SLC44A5: variants seen among roughly 807,000 people sequenced by gnomAD.
SLC44A5 encodes the protein solute carrier family 44 member 5, also known as choline transporter-like protein 5.
SLC44A5 carries 57 observed loss-of-function variants against 101.8 expected under a neutral mutation model. The observed-to-expected ratio is 0.56, with a 90% confidence interval of 0.45 to 0.70. The LOEUF is 0.70. Among genes scored for constraint, SLC44A5 ranks in the 30% least tolerant of loss-of-function variants. The probability of loss-of-function intolerance (pLI) is 0.00; values close to 1 mark genes in which losing one functional copy is unlikely to be tolerated. For synonymous variants in SLC44A5, 281 were observed against 290.9 expected (o/e 0.97, Z 0.35); for missense variants, 737 against 853.1 (o/e 0.86, Z 1.70).
intron 1 of SLC44A5, among the ~76,000 whole-genome samples, chr1:75,602,641 T>C (rs964498084): frequency 1.3e-4 from 20 of 152,052 alleles, no homozygotes; most frequent in African/African-American, 4.6e-4. Flanking sequence ...GTCATTGCCA[T>C]GAGTAAAGAA....
chr1:75,443,878 T>C (rs1262507980), intron 2 of SLC44A5, among the ~76,000 whole-genome samples: 1 of 151,996 alleles, frequency 6.6e-6, no homozygotes, highest in Non-Finnish European at 1.5e-5. Context: ...GAAAAGACCA[T>C]TTAAAAATAG....
At chr1:75,511,147 AAAAAGAAAAG>A (rs1476050068) in intron 2 of SLC44A5, among the ~76,000 whole-genome samples, 4 of 152,308 alleles carry the variant, frequency 2.6e-5, no homozygotes, top group African/African-American at 9.6e-5. Context: ...CGTCTCAGAA[AAAAAGAAAAG>A]AAAAAGAAAA....
chr1:75,203,958 T>A lies in SLC44A5; in HGVS notation c.2048-125A>T, dbSNP rs943296802. 5 of 1,190,050 alleles carry A rather than the reference T, an allele frequency of 4.2e-6. No individual in the cohort carries two copies. The African/African-American group carries it at 7.8e-5, about 19-fold the overall frequency. The allele number at this position is 1,190,050 out of a possible 1,614,324, so 73.7% of individuals were successfully genotyped here. A position where few individuals can be genotyped will look rare whatever the true frequency, so the allele number is the denominator to read the frequency against. ...TTTTGTTGTTTTTTTTTTGTTGTTG[T>A]TTTTTAAACAGCATAGTTTGGCATC... On this transcript the variant is annotated intron_variant, in intron 23 of 23. Coordinates refer to ENST00000370859, the MANE Select transcript of SLC44A5 (RefSeq NM_001130058.2).
At chr1:75,284,163 C>T (rs1254267417) in intron 5 of SLC44A5, among the ~76,000 whole-genome samples, 1 of 152,074 alleles carries the variant, frequency 6.6e-6, no homozygotes, top group Non-Finnish European at 1.5e-5. Flanking sequence ...TTTCTGTCAT[C>T]TATGATTTCT....
chr1:75,219,754 AG>A (rs1251206697), intron 15 of SLC44A5, 45 bp downstream of exon 15: 2 of 1,162,424 alleles, frequency 1.7e-6, no homozygotes, highest in Non-Finnish European at 2.6e-6. Context: ...GTTCACGAGT[AG>A]TCATGTGAAC....
At chr1:75,635,174 G>T in the SLC44A5 span, among the ~76,000 whole-genome samples, 3 of 151,554 alleles carry the variant, frequency 2.0e-5, no homozygotes, top group Admixed American at 6.6e-5. Context: ...TGCTGGAGAG[G>T]ATGTGGAGAA....
At chr1:75,393,936 A>G (rs1299102349) in intron 3 of SLC44A5, among the ~76,000 whole-genome samples, 1 of 152,192 alleles carries the variant, frequency 6.6e-6, no homozygotes. Flanking sequence ...GGTGGGGTAT[A>G]AAGTCAAATA....
At chr1:75,576,341 G>A (rs764401420) in intron 1 of SLC44A5, among the ~76,000 whole-genome samples, 2 of 151,280 alleles carry the variant, frequency 1.3e-5, no homozygotes, top group Non-Finnish European at 2.9e-5. Context: ...TTGAGAGGAA[G>A]TCTTGCTCTT....
chr1:75,703,544 G>C, the SLC44A5 span, among the ~76,000 whole-genome samples: 1 of 151,940 alleles, frequency 6.6e-6, no homozygotes, highest in Non-Finnish European at 1.5e-5. Flanking sequence ...ATAGCTTTAG[G>C]AGATATACCT....
the SLC44A5 span, among the ~76,000 whole-genome samples, chr1:75,676,651 C>A: frequency 1.3e-5 from 2 of 152,150 alleles, no homozygotes; most frequent in South Asian, 4.1e-4. Flanking sequence ...TACACATTTA[C>A]TTAGGTAACA....
At chr1:75,491,670 G>A (rs1247409082) in intron 2 of SLC44A5, among the ~76,000 whole-genome samples, 3 of 151,964 alleles carry the variant, frequency 2.0e-5, no homozygotes, top group African/African-American at 7.2e-5. Context: ...GTAGGTAAGT[G>A]TCACAGAGTT....
intron 1 of SLC44A5, among the ~76,000 whole-genome samples, chr1:75,576,207 TAGATAG>T (rs766545297): frequency 1.2e-4 from 18 of 148,998 alleles, no homozygotes; most frequent in Admixed American, 5.3e-4. Flanking sequence ...AGATGAGAGA[TAGATAG>T]AGATAGATGG....
chr1:75,563,675 G>A (rs980490303), intron 1 of SLC44A5, among the ~76,000 whole-genome samples: 8 of 151,986 alleles, frequency 5.3e-5, no homozygotes, highest in African/African-American at 1.9e-4. Flanking sequence ...TAAAAGACAA[G>A]CCAAGACCGT....
At chr1:75,357,960 T>C (rs760590911) in intron 3 of SLC44A5, among the ~76,000 whole-genome samples, 1 of 152,020 alleles carries the variant, frequency 6.6e-6, no homozygotes, top group Non-Finnish European at 1.5e-5. Flanking sequence ...AACATGGTTT[T>C]TGCACTAGTC....
intron 2 of SLC44A5, among the ~76,000 whole-genome samples, chr1:75,472,384 TG>T (rs1238614550): frequency 1.3e-5 from 2 of 152,196 alleles, no homozygotes; most frequent in Non-Finnish European, 2.9e-5. Context: ...ATAACATCTT[TG>T]AGGGTTCATT....
At chr1:75,518,166 T>C (rs1460767802) in intron 2 of SLC44A5, among the ~76,000 whole-genome samples, 1 of 152,218 alleles carries the variant, frequency 6.6e-6, no homozygotes, top group Non-Finnish European at 1.5e-5. Flanking sequence ...ATGTCATTTA[T>C]GAGCAGTTTA....
At chr1:75,294,690 TCAAG>T in intron 5 of SLC44A5, among the ~76,000 whole-genome samples, 1 of 152,274 alleles carries the variant, frequency 6.6e-6, no homozygotes, top group South Asian at 2.1e-4. Flanking sequence ...TGGAATATTT[TCAAG>T]CCTTAAAAAA....
intron 7 of SLC44A5, among the ~76,000 whole-genome samples, chr1:75,249,486 G>A (rs768412229): frequency 6.6e-6 from 1 of 152,212 alleles, no homozygotes; most frequent in East Asian, 1.9e-4. Flanking sequence ...GTGTGGCCTG[G>A]AGGTTAAAGG....
At chr1:75,502,482 A>C (rs1669014401) in intron 2 of SLC44A5, among the ~76,000 whole-genome samples, 1 of 152,112 alleles carries the variant, frequency 6.6e-6, no homozygotes, top group Non-Finnish European at 1.5e-5. Flanking sequence ...TACAGTATGG[A>C]CCCTCAATTA....
Sources: gnomAD v4.1 joint callset for allele counts (sites outside exome capture counted in the v4.1 genomes callset) on GRCh38, gnomAD v4.1.1 for gene constraint, MANE v1.5 for transcripts, NCBI Gene and HGNC (gene_info 2026-07-23, HGNC 2026-07-21) for gene names.